Variants in RREB1 observed in about 807,000 individuals in gnomAD.
RREB1 encodes ras responsive element binding protein 1, also known as ras-responsive element-binding protein 1.
A neutral mutation model predicts 117.8 loss-of-function variants in RREB1; 27 were observed. That is an observed-to-expected ratio of 0.23 (90% CI 0.17 to 0.32). The LOEUF is 0.32. Among genes scored for constraint, RREB1 ranks in the 10% least tolerant of loss-of-function variants. RREB1 has a pLI of 1.00. For missense variants in RREB1, 2,577 were observed against 2,378.2 expected (o/e 1.08, Z -1.74); for synonymous variants, 1,298 against 1,026.7 (o/e 1.26, Z -5.05).
In RREB1 at chr6:7,208,512, TG is replaced by T. The variant is rs771853842; in HGVS notation, c.426-2288del. ...AACTTCCCATGTTGTACCCGGTAGC[TG>T]GGGATTTCACCCTGAAATGGAGCGG... On this transcript the variant is annotated intron_variant, in intron 6 of 12. Coordinates refer to ENST00000379938, the MANE Select transcript of RREB1 (RefSeq NM_001003699.4). 5.5e-4 allele frequency among the ~76,000 whole-genome samples: 84 copies of T among 152,210 alleles called. 1 individual carries two copies. Among genetic ancestry groups the T allele is most frequent in the Non-Finnish European group, 1.0e-3 (68 of 68,032 alleles).
At chr6:7,147,935 AAGAC>A (rs1485967764) in intron 1 of RREB1, among the ~76,000 whole-genome samples, 1 of 152,206 alleles carries the variant, frequency 6.6e-6, no homozygotes, top group African/African-American at 2.4e-5. Context: ...TATTCACAGT[AAGAC>A]ACTGGACACT....
At chr6:7,217,942 T>G (rs1286693132) in intron 8 of RREB1, 2 of 152,218 alleles carry the variant, frequency 1.3e-5, no homozygotes, top group Non-Finnish European at 2.9e-5. Flanking sequence ...CAGCTGTTTT[T>G]ATCTAGTTTT....
chr6:7,151,560 A>G (rs1156622493), intron 1 of RREB1, among the ~76,000 whole-genome samples: 1 of 152,226 alleles, frequency 6.6e-6, no homozygotes, highest in Non-Finnish European at 1.5e-5. Flanking sequence ...TGGCCTTAAC[A>G]TCTGCATAGA....
Position 7,249,334 on chromosome 6 carries a change from G to A in RREB1, c.*366G>A, listed in dbSNP as rs1167347843. ...AGCGTTATTTTGTATTGGTGTGTGT[G>A]AGCTTGTTCTTGTGAATCTGTGATA... On this transcript the variant is annotated 3_prime_UTR_variant, in exon 13 of 13. Transcript: ENST00000379938. 4.8e-6 allele frequency: 1 copy of A among 209,986 alleles called. No homozygotes were observed. The highest frequency in any genetic ancestry group is 9.5e-6 in the Non-Finnish European group (1 of 105,810). 13.0% of individuals were successfully genotyped at this position (209,986 alleles called of 1,614,324 possible).
At chr6:7,109,120 G>C (rs1423946513) in intron 1 of RREB1, among the ~76,000 whole-genome samples, 1 of 151,752 alleles carries the variant, frequency 6.6e-6, no homozygotes, top group Non-Finnish European at 1.5e-5. Context: ...CCGCCGCCCA[G>C]CTGTGGAGCG....
intron 5 of RREB1, chr6:7,187,752 A>G (rs1765162731): frequency 3.9e-6 from 1 of 255,872 alleles, no homozygotes. Context: ...TTAATGGATG[A>G]GCTGTAGCTG....
At chr6:7,189,455 A>G (rs1765281430) in intron 6 of RREB1, 133 bp downstream of exon 6, 1 of 847,528 alleles carries the variant, frequency 1.2e-6, no homozygotes, top group African/African-American at 1.7e-5. Context: ...ATTGTATGGA[A>G]AAACCAGAGA....
chr6:7,206,014 G>A (rs1361452789), intron 6 of RREB1, among the ~76,000 whole-genome samples: 1 of 152,186 alleles, frequency 6.6e-6, no homozygotes, highest in Non-Finnish European at 1.5e-5. Context: ...TGGGTGTTAT[G>A]AATAGGATAA....
chr6:7,229,274 A>G lies in RREB1; in HGVS notation c.1175A>G (p.Gln392Arg), dbSNP rs375591269. 1.2e-6 allele frequency: 2 copies of G among 1,614,092 alleles called. No homozygotes were observed. Among genetic ancestry groups the G allele is most frequent in the Non-Finnish European group, 1.7e-6 (2 of 1,180,000 alleles). The change falls in exon 10 of 13, where the codon CAG (glutamine) becomes CGG (arginine). Residue 392 changes from glutamine to arginine, a missense_variant. Gln to Arg is a conservative substitution (Grantham distance 43). Coordinates refer to ENST00000379938, the MANE Select transcript of RREB1 (RefSeq NM_001003699.4). This position sits in a 1 kb window ranked among gnomAD's most constrained non-coding sequence, Gnocchi z 4.5. ...EPLPDDNQAI[Q>R]LQTLKCQLPQ... Reference sequence around the variant, plus strand: ...CTGCCGGATGACAACCAGGCAATTCAGCTCCAGACACTCAAGTGTCAGCTA... The same window carrying G: ...CTGCCGGATGACAACCAGGCAATTCGGCTCCAGACACTCAAGTGTCAGCTA...
At chr6:7,171,690 AGTGTGATGG>A (rs1764216707) in intron 1 of RREB1, among the ~76,000 whole-genome samples, 1 of 152,276 alleles carries the variant, frequency 6.6e-6, no homozygotes, top group Non-Finnish European at 1.5e-5. Context: ...GCCATGATGA[AGTGTGATGG>A]GTGTGATGGC....
intron 1 of RREB1, among the ~76,000 whole-genome samples, chr6:7,137,328 T>C (rs1223947105): frequency 3.3e-5 from 5 of 152,116 alleles, no homozygotes; most frequent in Admixed American, 6.5e-5. Context: ...GAATAGAGGG[T>C]TGGAATCCAG....
At chr6:7,192,116 A>ATTTTTTTTTTTTTTTTTTTTT (rs34074532) in intron 6 of RREB1, among the ~76,000 whole-genome samples, 2 of 15,296 alleles carry the variant, frequency 1.3e-4, no homozygotes, top group Non-Finnish European at 2.2e-4. Flanking sequence ...TTGTCAGATG[A>ATTTTTTTTTTTTTTTTTTTTT]TTTTTTTTTT....
intron 1 of RREB1, among the ~76,000 whole-genome samples, chr6:7,117,390 T>G (rs1761452775): frequency 1.0e-4 from 2 of 19,608 alleles, no homozygotes; most frequent in South Asian, 9.5e-4. Flanking sequence ...GGTTTCCTGT[T>G]TTTTTTTTTT....
intron 2 of RREB1, among the ~76,000 whole-genome samples, chr6:7,177,359 C>CTT (rs1173335344): frequency 1.4e-5 from 2 of 145,068 alleles, no homozygotes; most frequent in East Asian, 2.0e-4. Flanking sequence ...ACATCTCTCT[C>CTT]TTTTTTTTTT....
At chr6:7,194,220 C>A (rs1765556561) in intron 6 of RREB1, among the ~76,000 whole-genome samples, 1 of 152,118 alleles carries the variant, frequency 6.6e-6, no homozygotes, top group South Asian at 2.1e-4. Flanking sequence ...CATTTATGGT[C>A]ATTGTATTTT....
At chr6:7,120,483 G>A (rs1461832711) in intron 1 of RREB1, among the ~76,000 whole-genome samples, 1 of 152,118 alleles carries the variant, frequency 6.6e-6, no homozygotes, top group African/African-American at 2.4e-5. Context: ...TGGCATGGAT[G>A]AAGCATGAAC....
chr6:7,142,416 G>T (rs966629780), intron 1 of RREB1, among the ~76,000 whole-genome samples: 1 of 152,156 alleles, frequency 6.6e-6, no homozygotes. Context: ...GCCTGCCCTC[G>T]GTGTCAAGTC....
chr6:7,251,065 A>G lies in RREB1; in HGVS notation c.*2097A>G, dbSNP rs1022150682. 1 of 152,066 alleles carries G rather than the reference A, an allele frequency of 6.6e-6. No homozygotes were observed. Among genetic ancestry groups the G allele is most frequent in the Non-Finnish European group, 1.5e-5 (1 of 68,030 alleles). 9.4% of individuals were successfully genotyped at this position (152,066 alleles called of 1,614,324 possible). On this transcript the variant is annotated 3_prime_UTR_variant, in exon 13 of 13. Transcript: ENST00000379938. ...TTTTTTCTTTGCGACTCTCCACACTAAACTTGCAATATTGTGGGGAGAAGC... is the reference window on the plus strand; with the variant it reads ...TTTTTTCTTTGCGACTCTCCACACTGAACTTGCAATATTGTGGGGAGAAGC...
At chr6:7,113,072 A>G (rs1484258479) in intron 1 of RREB1, among the ~76,000 whole-genome samples, 3 of 152,028 alleles carry the variant, frequency 2.0e-5, no homozygotes, top group African/African-American at 7.3e-5. Flanking sequence ...GAGGGTGGAG[A>G]TTGTTTGTTC....
Sources: allele counts gnomAD v4.1 joint callset (sites outside exome capture counted in the v4.1 genomes callset), GRCh38; gene constraint gnomAD v4.1.1; non-coding constraint Gnocchi (gnomAD v3.1); transcripts MANE v1.5; gene names NCBI Gene and HGNC (gene_info 2026-07-23, HGNC 2026-07-21).